MYOF: variants seen among roughly 807,000 people sequenced by gnomAD.
MYOF encodes the protein fer-1-like 3, myoferlin.
A neutral mutation model predicts 284.2 loss-of-function variants in MYOF; 244 were observed. The observed-to-expected ratio is 0.86, with a 90% CI of 0.77 to 0.95. MYOF has a LOEUF of 0.95. Among genes scored for constraint, MYOF ranks in the 40% least tolerant of loss-of-function variants. The pLI, the probability that MYOF is intolerant of heterozygous loss-of-function variation, is 0.00. For missense variants in MYOF, 2,496 were observed against 2,560.6 expected, an observed-to-expected ratio of 0.97 and a Z score of 0.54; for synonymous variants, 904 against 919.7, an observed-to-expected ratio of 0.98 and a Z score of 0.31.
At chr10:93,443,472 CTGTGTGTGTGTG>C (rs5787060) in intron 3 of MYOF, among the ~76,000 whole-genome samples, 4 of 137,236 alleles carry the variant, frequency 2.9e-5, no homozygotes, top group African/African-American at 1.2e-4. Context: ...CTCTCTCTCT[CTGTGTGTGTGTG>C]TGTGTGTGTG....
chr10:93,379,741 T>C (rs1315805368), intron 21 of MYOF, 122 bp downstream of exon 21: 1 of 1,241,948 alleles, frequency 8.1e-7, no homozygotes, highest in Admixed American at 2.3e-5. Flanking sequence ...CCTAGAGACA[T>C]TGCTCTTACC....
At position 93,408,878 on chromosome 10, in the gene MYOF, C is replaced by T. The variant is rs201049312; in HGVS notation, c.638G>A (p.Gly213Asp). ...VRVIEGRQLS[G>D]NNIRPVVKVH... ...TTTGACCACAGGCCTTATGTTGTTACCACTTAACTGTCGGCCCTCAATCAC... is the reference window on the plus strand; with the variant it reads ...TTTGACCACAGGCCTTATGTTGTTATCACTTAACTGTCGGCCCTCAATCAC... The change falls in exon 7 of 54, where the codon GGT (glycine) becomes GAT (aspartate). Residue 213 changes from glycine (G) to aspartate (D), a missense_variant. Transcript: ENST00000359263. 6.1e-5 allele frequency: 98 copies of T among 1,614,078 alleles called. No individual in the cohort carries two copies. Among genetic ancestry groups the T allele is most frequent in the Non-Finnish European group, 7.8e-5 (92 of 1,180,044 alleles).
chr10:93,370,486 AT>A (rs77854129), intron 24 of MYOF, among the ~76,000 whole-genome samples: 1 of 150,126 alleles, frequency 6.7e-6, no homozygotes, highest in Non-Finnish European at 1.5e-5. Flanking sequence ...TAATTTTTGT[AT>A]TTTTTTTGTA....
At chr10:93,397,111 G>A (rs1474352) in intron 15 of MYOF, 136 bp downstream of exon 15, 638,254 of 650,874 alleles carry the variant, frequency 0.98, 313,946 homozygotes, top group East Asian at 1. Flanking sequence ...TTTAAGAAAC[G>A]CCCAGTTCCA....
intron 21 of MYOF, among the ~76,000 whole-genome samples, chr10:93,378,693 G>GTGTATATATATATATA: frequency 1.9e-4 from 17 of 87,892 alleles, no homozygotes; most frequent in East Asian, 1.6e-3. Flanking sequence ...GTGTGTGTGT[G>GTGTATATATATATATA]TATATATATA....
intron 29 of MYOF, 105 bp downstream of exon 29, chr10:93,359,728 C>T: frequency 6.8e-7 from 1 of 1,472,114 alleles, no homozygotes; most frequent in Admixed American, 1.8e-5. Context: ...GAGTGTTAGG[C>T]TCTGGATTTG....
chr10:93,358,797 G>A (rs1056953805), intron 29 of MYOF, among the ~76,000 whole-genome samples: 8 of 152,214 alleles, frequency 5.3e-5, no homozygotes, highest in Admixed American at 1.3e-4. Context: ...TGGGGCCGGC[G>A]GGTGGAGGGA....
intron 40 of MYOF, among the ~76,000 whole-genome samples, chr10:93,336,395 TG>T (rs1431969851): frequency 6.6e-6 from 1 of 151,752 alleles, no homozygotes; most frequent in Non-Finnish European, 1.5e-5. Context: ...TACTCAGCAA[TG>T]ACAAGGGAAA....
intron 48 of MYOF, among the ~76,000 whole-genome samples, chr10:93,322,533 G>C (rs1194361150): frequency 6.6e-6 from 1 of 152,218 alleles, no homozygotes; most frequent in East Asian, 1.9e-4. Flanking sequence ...CGATTTAATT[G>C]AATTAGGCAA....
rs574306027 is a variant in MYOF at position 93,337,845 on chromosome 10, C to T, written c.4407G>A (p.Gln1469=). The T allele has an allele frequency of 4.6e-5, 75 of 1,613,990 alleles. No homozygotes were observed. Among genetic ancestry groups the T allele is most frequent in the Non-Finnish European group, 1.4e-5 (16 of 1,179,992 alleles). The change falls in exon 40 of 54, where the codon CAG becomes CAA. Residue 1469 remains glutamine (Q), a synonymous_variant. Coordinates refer to ENST00000359263, the MANE Select transcript of MYOF (RefSeq NM_013451.4). ...ASSGEHEKCG[Q]YIQKGYSKLK... is the part of the protein sequence containing the mutation. Reference sequence around the variant, plus strand: ...GCTTGGAATAGCCTTTCTGAATATACTGTCCGCATTTTTCATGTTCCCCTG... The same window carrying T: ...GCTTGGAATAGCCTTTCTGAATATATTGTCCGCATTTTTCATGTTCCCCTG...
intron 3 of MYOF, among the ~76,000 whole-genome samples, chr10:93,449,487 C>T (rs2056530881): frequency 6.6e-6 from 1 of 152,156 alleles, no homozygotes; most frequent in African/African-American, 2.4e-5. Flanking sequence ...CTCTCCTCCC[C>T]TTCCCCAAAA....
intron 24 of MYOF, among the ~76,000 whole-genome samples, chr10:93,370,723 T>C (rs1845548513): frequency 6.6e-6 from 1 of 152,198 alleles, no homozygotes; most frequent in Non-Finnish European, 1.5e-5. Context: ...TATTGGCATA[T>C]GATGGTTGTC....
chr10:93,374,274 G>A (rs993136352), intron 23 of MYOF, among the ~76,000 whole-genome samples: 1 of 152,090 alleles, frequency 6.6e-6, no homozygotes, highest in Non-Finnish European at 1.5e-5. Context: ...ATGGACATTT[G>A]TACACCCACC....
chr10:93,360,602 A>G (rs965869875), intron 28 of MYOF, among the ~76,000 whole-genome samples: 3 of 152,252 alleles, frequency 2.0e-5, no homozygotes, highest in Non-Finnish European at 4.4e-5. Context: ...AGTTCTATGC[A>G]CCATGCATAA....
intron 40 of MYOF, chr10:93,337,544 G>A: frequency 2.6e-6 from 1 of 386,466 alleles, no homozygotes; most frequent in Non-Finnish European, 4.6e-6. Flanking sequence ...CCTAATTAGT[G>A]TGGTGCCAGC....
At chr10:93,330,640 G>A (rs1481784651) in intron 43 of MYOF, among the ~76,000 whole-genome samples, 1 of 152,184 alleles carries the variant, frequency 6.6e-6, no homozygotes, top group Non-Finnish European at 1.5e-5. Context: ...GTGCTTCTGT[G>A]GTGGGTGGGC....
Position 93,399,495 on chromosome 10 carries a change from A to G in MYOF, c.1118T>C (p.Met373Thr), listed in dbSNP as rs1847174821. 6.2e-7 allele frequency: 1 copy of G among 1,603,142 alleles called. No homozygotes were observed. The highest frequency in any genetic ancestry group is 1.7e-5 in the Admixed American group (1 of 59,008). ...KIYRAEDIPQ[M>T]DDAFSQTVKE... is the part of the protein sequence containing the mutation. ...TACTGTCTGTGAGAAGGCATCATCC[A>G]CTGGAAGGTAATAGTTATACAGCAG... Residue 373 changes from methionine to threonine, a missense_variant and splice_region_variant, in exon 13 of 54, where the codon ATG (methionine) becomes ACG (threonine). This residue lies in a region of MYOF where 2,436 missense variants were observed against 2,480.7 expected (regional missense o/e 0.98). Coordinates refer to ENST00000359263, the MANE Select transcript of MYOF (RefSeq NM_013451.4).
chr10:93,369,466 TA>T (rs1845488602), intron 25 of MYOF, among the ~76,000 whole-genome samples, 178 bp downstream of exon 25: 1 of 152,206 alleles, frequency 6.6e-6, no homozygotes, highest in Non-Finnish European at 1.5e-5. Context: ...ATGTTGACTA[TA>T]AAATCTCAGG....
chr10:93,416,754 C>T (rs1042077538), intron 5 of MYOF, among the ~76,000 whole-genome samples: 7 of 151,816 alleles, frequency 4.6e-5, no homozygotes, highest in African/African-American at 7.3e-5. Flanking sequence ...CACACCACCA[C>T]GCCTGGCTAA....
Sources: gnomAD v4.1 joint callset for allele counts (sites outside exome capture counted in the v4.1 genomes callset) on GRCh38, gnomAD v4.1.1 for gene constraint, gnomAD v4.1.1 regional missense constraint, MANE v1.5 for transcripts, NCBI Gene and HGNC (gene_info 2026-07-23, HGNC 2026-07-21) for gene names.